RAB38: variants seen among roughly 807,000 people sequenced by gnomAD.
RAB38 encodes ras-related protein Rab-38.
RAB38 carries 15 observed loss-of-function variants against 18.4 expected under a neutral mutation model. The observed-to-expected ratio is 0.82, with a 90% CI of 0.55 to 1.26. The LOEUF is 1.26. Among genes scored for constraint, RAB38 ranks in the 50% most tolerant of loss-of-function variants. RAB38 has a pLI of 0.00. For synonymous variants in RAB38, 101 were observed against 104.4 expected (o/e 0.97, Z 0.20); for missense variants, 294 against 267.4 (o/e 1.10, Z -0.69).
At chr11:88,003,857 TATAAATATA>T in the RAB38 span, among the ~76,000 whole-genome samples, 1 of 2,298 alleles carries the variant, frequency 4.4e-4, no homozygotes, top group African/African-American at 7.8e-4. Flanking sequence ...TATATAATTA[TATAAATATA>T]ATTATATATT....
the RAB38 span, among the ~76,000 whole-genome samples, chr11:88,083,555 G>T: frequency 6.6e-6 from 1 of 151,808 alleles, no homozygotes; most frequent in African/African-American, 2.4e-5. Context: ...TAAATTCTAA[G>T]CTTGGTGCCA....
intron 2 of RAB38, among the ~76,000 whole-genome samples, chr11:88,121,856 C>T (rs1031122459): frequency 6.6e-6 from 1 of 151,002 alleles, no homozygotes; most frequent in African/African-American, 2.4e-5. Flanking sequence ...GCTGCCGCGC[C>T]GGCCCAGAGC....
chr11:88,027,219 A>G, the RAB38 span, among the ~76,000 whole-genome samples: 54 of 151,972 alleles, frequency 3.6e-4, no homozygotes, highest in Non-Finnish European at 6.3e-4. Context: ...TGCATCCATT[A>G]AGAAAGTATT....
At chr11:87,805,714 TAC>T in the RAB38 span, among the ~76,000 whole-genome samples, 185 of 133,076 alleles carry the variant, frequency 1.4e-3, no homozygotes, top group Non-Finnish European at 2.4e-3. Flanking sequence ...TATATGTGTA[TAC>T]ACACACATAT....
At chr11:88,010,956 C>T in the RAB38 span, among the ~76,000 whole-genome samples, 3 of 152,078 alleles carry the variant, frequency 2.0e-5, no homozygotes, top group Non-Finnish European at 4.4e-5. Context: ...TACAAGAGAG[C>T]CCAGAATCAG....
At chr11:88,170,475 T>C (rs1943298337) in intron 1 of RAB38, among the ~76,000 whole-genome samples, 3 of 152,228 alleles carry the variant, frequency 2.0e-5, no homozygotes, top group African/African-American at 7.2e-5. Flanking sequence ...GAATCCTATC[T>C]TTGGTTGAAT....
At chr11:87,881,608 A>G in the RAB38 span, among the ~76,000 whole-genome samples, 2 of 151,882 alleles carry the variant, frequency 1.3e-5, no homozygotes, top group Admixed American at 1.3e-4. Context: ...GTGAGTAAGC[A>G]TAGGACTGTA....
rs1358233220 is a variant in RAB38 at position 88,149,668 on chromosome 11, A to C, written c.483+7T>G. The C allele has an allele frequency of 6.2e-6, 10 of 1,603,354 alleles. No homozygotes were observed. The highest frequency in any genetic ancestry group is 8.5e-6 in the Non-Finnish European group (10 of 1,172,614). ...TATATTAAGCTTATTATTTAAAGTC[A>C]CATTACCTTTGCTGATGTTTCAAAC... On this transcript the variant is annotated splice_region_variant and intron_variant, in intron 2 of 2. Coordinates refer to ENST00000243662, the MANE Select transcript of RAB38 (RefSeq NM_022337.3).
chr11:88,152,857 G>C (rs7114446), intron 1 of RAB38, among the ~76,000 whole-genome samples: 4 of 152,150 alleles, frequency 2.6e-5, no homozygotes, highest in African/African-American at 9.7e-5. Context: ...TCTATACTTT[G>C]TGCTGGAAAT....
chr11:88,045,735 C>T, the RAB38 span, among the ~76,000 whole-genome samples: 1 of 152,186 alleles, frequency 6.6e-6, no homozygotes, highest in Non-Finnish European at 1.5e-5. Flanking sequence ...CAGTGGAGGT[C>T]AAGTCCGTCC....
At chr11:88,156,153 T>A (rs1943122257) in intron 1 of RAB38, among the ~76,000 whole-genome samples, 1 of 152,108 alleles carries the variant, frequency 6.6e-6, no homozygotes, top group African/African-American at 2.4e-5. Context: ...GAGGTAGACA[T>A]TTAGATACAA....
At chr11:87,921,917 T>A in the RAB38 span, among the ~76,000 whole-genome samples, 2 of 151,848 alleles carry the variant, frequency 1.3e-5, no homozygotes, top group East Asian at 3.9e-4. Flanking sequence ...CACATGAGCA[T>A]AGGACTGTAC....
intron 2 of RAB38, among the ~76,000 whole-genome samples, chr11:88,127,168 G>C (rs1304486880): frequency 6.6e-6 from 1 of 152,172 alleles, no homozygotes; most frequent in African/African-American, 2.4e-5. Flanking sequence ...ATCGTGGAGT[G>C]TGCCTTGTGT....
At chr11:87,818,275 T>A in the RAB38 span, among the ~76,000 whole-genome samples, 1 of 152,156 alleles carries the variant, frequency 6.6e-6, no homozygotes, top group African/African-American at 2.4e-5. Flanking sequence ...AATTCATAAT[T>A]TTTATATTCC....
the RAB38 span, among the ~76,000 whole-genome samples, chr11:88,015,819 G>A: frequency 1.1e-4 from 17 of 152,194 alleles, no homozygotes; most frequent in South Asian, 4.1e-4. Context: ...TGGAGCCTTT[G>A]CATGAGGACA....
At chr11:88,060,812 G>T in the RAB38 span, among the ~76,000 whole-genome samples, 1 of 152,224 alleles carries the variant, frequency 6.6e-6, no homozygotes, top group East Asian at 1.9e-4. Flanking sequence ...ACTAACTAAT[G>T]CTAGGCTAGG....
At chr11:88,032,676 G>C in the RAB38 span, among the ~76,000 whole-genome samples, 2 of 152,182 alleles carry the variant, frequency 1.3e-5, 1 homozygote, top group South Asian at 4.1e-4. Context: ...ACCACAATGA[G>C]ATACCATCTC....
At chr11:88,131,350 A>C (rs1321324586) in intron 2 of RAB38, among the ~76,000 whole-genome samples, 1 of 152,144 alleles carries the variant, frequency 6.6e-6, no homozygotes, top group African/African-American at 2.4e-5. Context: ...TTCCTAAACA[A>C]GACAGATTTA....
At chr11:87,847,482 A>G in the RAB38 span, among the ~76,000 whole-genome samples, 2 of 152,134 alleles carry the variant, frequency 1.3e-5, no homozygotes, top group Non-Finnish European at 2.9e-5. Context: ...AATTAAATAA[A>G]CTGAATCTGT....
Sources: gnomAD v4.1 joint callset for allele counts (sites outside exome capture counted in the v4.1 genomes callset) on GRCh38, gnomAD v4.1.1 for gene constraint, MANE v1.5 for transcripts, NCBI Gene and HGNC (gene_info 2026-07-23, HGNC 2026-07-21) for gene names.